Variants in SFMBT2 observed in about 807,000 individuals in gnomAD.
SFMBT2 encodes scm-like with four MBT domains protein 2.
A neutral mutation model predicts 110.1 loss-of-function variants in SFMBT2; 38 were observed. The ratio of observed to expected loss-of-function variants is 0.35; its 90% CI spans 0.27 to 0.45. The LOEUF (loss-of-function observed/expected upper bound fraction) is 0.45, where lower values mean the gene tolerates loss of function less well. SFMBT2 is among the 20% of genes least tolerant of loss of function. The pLI is 1.00. For missense variants in SFMBT2, 1,011 were observed against 1,094.9 expected, an observed-to-expected ratio of 0.92 and a Z score of 1.08; for synonymous variants, 425 against 425.4, an observed-to-expected ratio of 1.00 and a Z score of 0.01.
rs555235462 is a variant in SFMBT2, at chr10:7,270,105, T to C, written c.870+6787A>G. On this transcript the variant is annotated intron_variant, in intron 7 of 20. Transcript: ENST00000397167. ...GCAATTGAGTTAAGACAAAGTTGGATGGGATTCACACAGGGCCAGTCAAAT... is the reference window on the plus strand; with the variant it reads ...GCAATTGAGTTAAGACAAAGTTGGACGGGATTCACACAGGGCCAGTCAAAT... Among the ~76,000 whole-genome samples, 4 of 152,258 alleles carry C rather than the reference T, an allele frequency of 2.6e-5. No homozygotes were observed. In the South Asian group the frequency reaches 6.2e-4, roughly 24 times the overall value.
At chr10:7,295,596 C>G (rs1470015747) in intron 4 of SFMBT2, among the ~76,000 whole-genome samples, 1 of 152,238 alleles carries the variant, frequency 6.6e-6, no homozygotes, top group African/African-American at 2.4e-5. Flanking sequence ...CAGCACACCA[C>G]AAGCATTCAC....
At chr10:7,384,882 G>A (rs919594216) in intron 1 of SFMBT2, among the ~76,000 whole-genome samples, 6 of 152,098 alleles carry the variant, frequency 3.9e-5, no homozygotes, top group South Asian at 2.1e-4. Context: ...CTGCATTGGC[G>A]GCCACAGAAC....
intron 4 of SFMBT2, among the ~76,000 whole-genome samples, chr10:7,302,462 CA>C: frequency 6.6e-6 from 1 of 152,234 alleles, no homozygotes; most frequent in East Asian, 1.9e-4. Flanking sequence ...CTCACAGCTC[CA>C]AACGTGGCTG....
chr10:7,183,340 A>T (rs1021521111), intron 16 of SFMBT2, among the ~76,000 whole-genome samples: 5 of 152,192 alleles, frequency 3.3e-5, no homozygotes, highest in African/African-American at 1.2e-4. Context: ...AGCTGAGCAC[A>T]TCAGGAGGGG....
At chr10:7,188,994 C>T (rs1484875865) in intron 15 of SFMBT2, 2 of 270,934 alleles carry the variant, frequency 7.4e-6, no homozygotes, top group African/African-American at 4.6e-5. Context: ...GGGTGGCAGA[C>T]TCCCATTAAC....
At chr10:7,260,321 G>T (rs1185716484) in intron 7 of SFMBT2, among the ~76,000 whole-genome samples, 1 of 152,168 alleles carries the variant, frequency 6.6e-6, no homozygotes, top group East Asian at 1.9e-4. Context: ...ACAGCAAAGG[G>T]GTCCAGAGAA....
intron 7 of SFMBT2, among the ~76,000 whole-genome samples, chr10:7,252,037 T>G (rs1001890306): frequency 2.6e-5 from 4 of 152,246 alleles, no homozygotes; most frequent in Non-Finnish European, 2.9e-5. Context: ...CTCCAACCTT[T>G]GCTCTCTGAG....
At chr10:7,196,732 T>C (rs1018900103) in intron 15 of SFMBT2, among the ~76,000 whole-genome samples, 1 of 152,218 alleles carries the variant, frequency 6.6e-6, no homozygotes. Context: ...ACGGTGGCAA[T>C]AGAGAATATC....
intron 4 of SFMBT2, among the ~76,000 whole-genome samples, chr10:7,329,077 C>T (rs1413876884): frequency 6.6e-6 from 1 of 152,210 alleles, no homozygotes; most frequent in Non-Finnish European, 1.5e-5. Context: ...GAGCATGTGG[C>T]TCGTTATTTT....
chr10:7,400,030 G>A (rs1030015109), intron 1 of SFMBT2, among the ~76,000 whole-genome samples: 1 of 152,196 alleles, frequency 6.6e-6, no homozygotes, highest in Non-Finnish European at 1.5e-5. Context: ...ACAAGCCGGA[G>A]GAATGGGAGG....
intron 9 of SFMBT2, among the ~76,000 whole-genome samples, chr10:7,235,969 A>G (rs377368692): frequency 3.9e-5 from 6 of 152,272 alleles, no homozygotes; most frequent in African/African-American, 1.2e-4. Context: ...ACAGCTCCAG[A>G]TAGGTTTATA....
Position 7,367,910 on chromosome 10 carries a change from G to A in SFMBT2, c.196-21C>T. ...TCAACCTTAAGGAATCAGAAATAGA[G>A]AAAACCCATTACTACACTAGACACA... is the stretch of plus-strand genomic sequence containing the variant. On this transcript the variant is annotated intron_variant, in intron 3 of 20. Coordinates refer to ENST00000397167, the MANE Select transcript of SFMBT2 (RefSeq NM_001387889.1). This position sits in a 1 kb window ranked among gnomAD's most constrained non-coding sequence, Gnocchi z 6.2. 6.2e-7 allele frequency: 1 copy of A among 1,612,702 alleles called. No individual in the cohort carries two copies. The highest frequency in any genetic ancestry group is 1.1e-5 in the South Asian group (1 of 90,960).
intron 4 of SFMBT2, among the ~76,000 whole-genome samples, chr10:7,344,624 T>C (rs1844045247): frequency 6.6e-6 from 1 of 152,080 alleles, no homozygotes; most frequent in Non-Finnish European, 1.5e-5. Flanking sequence ...AGAGAGGGAA[T>C]CAAGAAAGTT....
At chr10:7,213,084 G>A (rs1175825473) in intron 11 of SFMBT2, among the ~76,000 whole-genome samples, 1 of 151,910 alleles carries the variant, frequency 6.6e-6, no homozygotes, top group Admixed American at 6.6e-5. Flanking sequence ...CTGTCAAGGG[G>A]TGGGGGTAAG....
intron 1 of SFMBT2, among the ~76,000 whole-genome samples, chr10:7,386,793 C>G (rs1351814336): frequency 6.6e-6 from 1 of 152,202 alleles, no homozygotes; most frequent in Non-Finnish European, 1.5e-5. Context: ...CCAACACTTA[C>G]AGTGATTACT....
rs1165929468 is a variant in SFMBT2 at position 7,293,876 on chromosome 10, T to C, written c.437-7922A>G. On this transcript the variant is annotated intron_variant, in intron 4 of 20. Coordinates refer to ENST00000397167, the MANE Select transcript of SFMBT2 (RefSeq NM_001387889.1). The surrounding 1 kb of genome is among the most constrained non-coding windows in gnomAD (Gnocchi z 4.6). Reference sequence around the variant, plus strand: ...AGATGGTTCAGCACATCCCAGCCCATGGAAAGAGGGAAAGAACGTAAGCAA... The same window carrying C: ...AGATGGTTCAGCACATCCCAGCCCACGGAAAGAGGGAAAGAACGTAAGCAA... 2.0e-5 allele frequency among the ~76,000 whole-genome samples: 3 copies of C among 152,120 alleles called. No individual in the cohort carries two copies. In the East Asian group the frequency reaches 5.8e-4, roughly 29 times the overall value.
chr10:7,174,447 C>T (rs759642083), intron 17 of SFMBT2, among the ~76,000 whole-genome samples: 4 of 152,212 alleles, frequency 2.6e-5, no homozygotes, highest in Non-Finnish European at 5.9e-5. Flanking sequence ...CCTGCTTTTC[C>T]AGTGTTTGAC....
intron 9 of SFMBT2, among the ~76,000 whole-genome samples, chr10:7,240,345 C>A (rs771512569): frequency 3.7e-4 from 56 of 152,184 alleles, no homozygotes; most frequent in Non-Finnish European, 6.9e-4. Context: ...ATAGAGACGT[C>A]CCTCATTCTT....
At chr10:7,350,864 A>T (rs1394756475) in intron 4 of SFMBT2, among the ~76,000 whole-genome samples, 4 of 152,176 alleles carry the variant, frequency 2.6e-5, no homozygotes, top group Admixed American at 1.3e-4. Context: ...GAGTGCCATA[A>T]ATCAATTATT....
Sources: gnomAD v4.1 joint callset for allele counts (sites outside exome capture counted in the v4.1 genomes callset) on GRCh38, gnomAD v4.1.1 for gene constraint, Gnocchi (gnomAD v3.1) non-coding constraint, MANE v1.5 for transcripts, NCBI Gene and HGNC (gene_info 2026-07-23, HGNC 2026-07-21) for gene names.